HTR1F: variants seen among roughly 807,000 people sequenced by gnomAD.
The protein encoded by HTR1F is 5-hydroxytryptamine receptor 1F.
HTR1F carries 17 observed loss-of-function variants against 24.0 expected under a neutral mutation model. That is an observed-to-expected ratio of 0.71 (90% CI 0.48 to 1.06). HTR1F has a LOEUF of 1.06. Among genes scored for constraint, HTR1F ranks in the 50% least tolerant of loss-of-function variants. The pLI, the probability that HTR1F is intolerant of heterozygous loss-of-function variation, is 0.00. For missense variants in HTR1F, 391 were observed against 427.8 expected (o/e 0.91, Z 0.76); for synonymous variants, 186 against 156.8 (o/e 1.19, Z -1.39).
At chr3:87,913,924 C>T (rs151319388) in intron 2 of HTR1F, among the ~76,000 whole-genome samples, 13 of 152,054 alleles carry the variant, frequency 8.5e-5, no homozygotes, top group African/African-American at 1.2e-4. Flanking sequence ...TGTGGAGGCT[C>T]GCATCATGAA....
intron 2 of HTR1F, among the ~76,000 whole-genome samples, chr3:87,939,560 T>C (rs1193589585): frequency 6.6e-6 from 1 of 152,224 alleles, no homozygotes; most frequent in Admixed American, 6.5e-5. Context: ...AACTTGATAC[T>C]GGTCTGTTCA....
At chr3:87,926,348 A>G (rs763500082) in intron 2 of HTR1F, among the ~76,000 whole-genome samples, 1 of 152,196 alleles carries the variant, frequency 6.6e-6, no homozygotes, top group African/African-American at 2.4e-5. Context: ...CTTGGAACAT[A>G]TCTTTATTAT....
chr3:87,888,036 A>G (rs1357973010), intron 2 of HTR1F, among the ~76,000 whole-genome samples: 1 of 152,236 alleles, frequency 6.6e-6, no homozygotes, highest in African/African-American at 2.4e-5. Flanking sequence ...TTACTGTGGC[A>G]CTGTTCACAA....
intron 2 of HTR1F, among the ~76,000 whole-genome samples, chr3:87,960,087 G>C (rs1026081486): frequency 6.6e-6 from 1 of 151,528 alleles, no homozygotes; most frequent in Admixed American, 6.6e-5. Flanking sequence ...AAATCACCTA[G>C]GTAGTGTTTT....
At chr3:87,893,185 C>T (rs1027315918) in intron 2 of HTR1F, among the ~76,000 whole-genome samples, 13 of 152,028 alleles carry the variant, frequency 8.6e-5, no homozygotes, top group African/African-American at 3.1e-4. Flanking sequence ...ACAAACATTA[C>T]TGGTATTTTT....
At chr3:87,981,428 C>A (rs1705541267) in intron 2 of HTR1F, among the ~76,000 whole-genome samples, 1 of 152,200 alleles carries the variant, frequency 6.6e-6, no homozygotes, top group Non-Finnish European at 1.5e-5. Flanking sequence ...CTCTTGAGCT[C>A]AAGCAATCTG....
chr3:87,870,320 A>G (rs989563), intron 2 of HTR1F, among the ~76,000 whole-genome samples: 56,316 of 152,000 alleles, frequency 0.37, 15,273 homozygotes, highest in African/African-American at 0.77. Flanking sequence ...AACTTTCAGA[A>G]CAACAGTAGT....
At chr3:87,867,077 T>C (rs1419955430) in intron 2 of HTR1F, among the ~76,000 whole-genome samples, 5 of 151,922 alleles carry the variant, frequency 3.3e-5, no homozygotes, top group African/African-American at 1.2e-4. Flanking sequence ...TTTAAAAAAT[T>C]AATACTAGCT....
intron 2 of HTR1F, among the ~76,000 whole-genome samples, chr3:87,899,573 C>T (rs561049877): frequency 6.6e-6 from 1 of 152,052 alleles, no homozygotes. Flanking sequence ...TGCATTAAGG[C>T]AGTATATCAT....
At chr3:87,964,716 A>G (rs2107484968) in intron 2 of HTR1F, among the ~76,000 whole-genome samples, 1 of 152,322 alleles carries the variant, frequency 6.6e-6, no homozygotes, top group East Asian at 1.9e-4. Flanking sequence ...ATCTGGAAAG[A>G]TAGTAAGAGA....
At chr3:87,980,317 C>T (rs1705513078) in intron 2 of HTR1F, among the ~76,000 whole-genome samples, 1 of 152,110 alleles carries the variant, frequency 6.6e-6, no homozygotes, top group Non-Finnish European at 1.5e-5. Context: ...GTAGCTTCTA[C>T]CTGTAGTCAG....
intron 2 of HTR1F, among the ~76,000 whole-genome samples, chr3:87,837,158 A>G (rs1219148407): frequency 6.6e-6 from 1 of 152,008 alleles, no homozygotes; most frequent in Non-Finnish European, 1.5e-5. Context: ...TTTAGTTGCA[A>G]TTATTATCAA....
At chr3:87,796,411 G>A (rs1249605459) in intron 1 of HTR1F, among the ~76,000 whole-genome samples, 1 of 152,048 alleles carries the variant, frequency 6.6e-6, no homozygotes, top group Non-Finnish European at 1.5e-5. Context: ...AGAGCTCAAG[G>A]AAAAAGCCAG....
At chr3:87,824,070 CAGA>C (rs1048559401) in intron 2 of HTR1F, among the ~76,000 whole-genome samples, 5 of 151,488 alleles carry the variant, frequency 3.3e-5, no homozygotes, top group African/African-American at 1.2e-4. Context: ...CTAACATATG[CAGA>C]AGTCTCCCAG....
At chr3:87,838,936 T>C (rs1306797406) in intron 2 of HTR1F, among the ~76,000 whole-genome samples, 1 of 151,882 alleles carries the variant, frequency 6.6e-6, no homozygotes, top group Non-Finnish European at 1.5e-5. Context: ...ACCTGCTGTA[T>C]AATTTGCAAA....
chr3:87,902,819 A>G (rs1488578128), intron 2 of HTR1F, among the ~76,000 whole-genome samples: 3 of 139,874 alleles, frequency 2.1e-5, no homozygotes, highest in South Asian at 2.2e-4. Flanking sequence ...TCATTGTTCA[A>G]TTCCCACCTA....
intron 2 of HTR1F, among the ~76,000 whole-genome samples, chr3:87,952,094 T>G (rs961059750): frequency 1.1e-4 from 16 of 152,022 alleles, no homozygotes; most frequent in African/African-American, 3.9e-4. Flanking sequence ...GTTGAGATTT[T>G]TTTTCAAAGT....
chr3:87,850,733 TAAAG>T (rs1038111681), intron 2 of HTR1F, among the ~76,000 whole-genome samples: 13 of 151,268 alleles, frequency 8.6e-5, no homozygotes, highest in Admixed American at 3.3e-4. Context: ...GCACAAATCA[TAAAG>T]AAAAACATAT....
At chr3:87,953,297 C>T (rs1443228564) in intron 2 of HTR1F, among the ~76,000 whole-genome samples, 2 of 151,018 alleles carry the variant, frequency 1.3e-5, no homozygotes, top group African/African-American at 4.9e-5. Context: ...TGTTTGCAAA[C>T]TATTTATGTG....
Sources: allele counts gnomAD v4.1 joint callset (sites outside exome capture counted in the v4.1 genomes callset), GRCh38; gene constraint gnomAD v4.1.1; transcripts MANE v1.5; gene names NCBI Gene and HGNC (gene_info 2026-07-23, HGNC 2026-07-21).